The following PPM1G variants were observed in gnomAD, a reference collection of about 807,000 sequenced individuals.
The protein encoded by PPM1G is protein phosphatase, Mg2+/Mn2+ dependent 1G.
PPM1G carries 12 observed loss-of-function variants against 59.4 expected under a neutral mutation model. That is an observed-to-expected ratio of 0.20 (90% CI 0.13 to 0.33). The LOEUF is 0.33. PPM1G is among the 10% of genes least tolerant of loss of function. The pLI is 1.00. For missense variants in PPM1G, 392 were observed against 681.3 expected (o/e 0.58, Z 4.73); for synonymous variants, 245 against 251.9 (o/e 0.97, Z 0.26).
rs1022946841 is a variant in PPM1G at position 27,385,146 on chromosome 2, C to G, written c.410-58G>C. On this transcript the variant is annotated intron_variant, in intron 4 of 9. Transcript: ENST00000344034. This position sits in a 1 kb window ranked among gnomAD's most constrained non-coding sequence, Gnocchi z 4.1. The stretch of plus-strand genomic sequence containing the variant: ...GCCAGACTCCTCATGGGATCCGTCC[C>G]TCTCACTACCTCAACAGCCCTTGCA... 8 of 1,506,652 alleles carry G rather than the reference C, an allele frequency of 5.3e-6. No homozygotes were observed. The highest frequency in any genetic ancestry group is 7.1e-6 in the Non-Finnish European group (8 of 1,133,410). 93.3% of individuals were successfully genotyped at this position (1,506,652 alleles called of 1,614,324 possible).
At position 27,383,660 on chromosome 2, in the gene PPM1G, G is replaced by T; in HGVS notation, c.967-60C>A. 6.8e-7 allele frequency: 1 copy of T among 1,466,512 alleles called. No homozygotes were observed. The allele number at this position is 1,466,512 out of a possible 1,614,324, so 90.8% of individuals were successfully genotyped here. Reference sequence around the variant, plus strand: ...CTGAACATGCGTTCCTCACTGATGTGCTCCTGATCGTTCACCTATGCTTGC... The same window carrying T: ...CTGAACATGCGTTCCTCACTGATGTTCTCCTGATCGTTCACCTATGCTTGC... On this transcript the variant is annotated intron_variant, in intron 6 of 9. Transcript: ENST00000344034. The surrounding 1 kb of genome is among the most constrained non-coding windows in gnomAD (Gnocchi z 5.0).
rs1188399822 is a variant in PPM1G at position 27,383,311 on chromosome 2, A to T, written c.1201+55T>A. ...GGAAGATTAAAGTTTGCTACTAGGT[A>T]GTCTGGGACAGAGAGAAAGACCCTA... On this transcript the variant is annotated intron_variant, in intron 7 of 9. Transcript: ENST00000344034. The surrounding 1 kb of genome is among the most constrained non-coding windows in gnomAD (Gnocchi z 5.0). 6.6e-7 allele frequency: 1 copy of T among 1,507,064 alleles called. No homozygotes were observed. Among genetic ancestry groups the T allele is most frequent in the African/African-American group, 1.4e-5 (1 of 72,442 alleles). 93.4% of individuals were successfully genotyped at this position (1,507,064 alleles called of 1,614,324 possible).
Position 27,409,517 on chromosome 2 carries a change from C to T in PPM1G, c.-95G>A. ...GGGGTGCGCGCGGCAGGAGCAGGCC[C>T]CGCGGCGCGACCGACGCAAGGTGCC... On this transcript the variant is annotated 5_prime_UTR_variant, in exon 1 of 10. Transcript: ENST00000344034. The T allele has an allele frequency of 6.0e-6, 8 of 1,329,410 alleles. No individual in the cohort carries two copies. Among genetic ancestry groups the T allele is most frequent in the South Asian group, 1.9e-5 (1 of 52,192 alleles). 82.4% of individuals were successfully genotyped at this position (1,329,410 alleles called of 1,614,324 possible).
At position 27,383,639 on chromosome 2, in the gene PPM1G, A is replaced by G; in HGVS notation, c.967-39T>C. 6.4e-7 allele frequency: 1 copy of G among 1,551,400 alleles called. No homozygotes were observed. The highest frequency in any genetic ancestry group is 2.4e-5 in the East Asian group (1 of 42,464). On this transcript the variant is annotated intron_variant, in intron 6 of 9. Coordinates refer to ENST00000344034, the MANE Select transcript of PPM1G (RefSeq NM_177983.3). This position sits in a 1 kb window ranked among gnomAD's most constrained non-coding sequence, Gnocchi z 5.0. The stretch of plus-strand genomic sequence containing the variant: ...AAAGGAGCATCATGGGGGCTTCTGA[A>G]CATGCGTTCCTCACTGATGTGCTCC...
Position 27,385,485 on chromosome 2 carries a change from A to G in PPM1G, c.409+262T>C. On this transcript the variant is annotated intron_variant, in intron 4 of 9. Coordinates refer to ENST00000344034, the MANE Select transcript of PPM1G (RefSeq NM_177983.3). The surrounding 1 kb of genome is among the most constrained non-coding windows in gnomAD (Gnocchi z 4.1). ...TGAGGGGAAAAAAAAGCACATAAAT[A>G]CTAGCAGGAACCAGGAAGACCCCAT... is the stretch of plus-strand genomic sequence containing the variant. 2.1e-6 allele frequency: 1 copy of G among 466,792 alleles called. No individual in the cohort carries two copies. The highest frequency in any genetic ancestry group is 3.7e-6 in the Non-Finnish European group (1 of 270,224). 28.9% of individuals were successfully genotyped at this position (466,792 alleles called of 1,614,324 possible). A position where few individuals can be genotyped will look rare whatever the true frequency, so the allele number is the denominator to read the frequency against.
chr2:27,392,910 T>C lies in PPM1G; in HGVS notation c.121-5752A>G. ...CACCCAATTCTTTGATGGCCTTCAC[T>C]TGTTCATTCAGGTAATGTGTCTCAA... On this transcript the variant is annotated intron_variant, in intron 1 of 9. Transcript: ENST00000344034. 3 of 1,431,530 alleles carry C rather than the reference T, an allele frequency of 2.1e-6. No individual in the cohort carries two copies. In the South Asian group the frequency reaches 3.4e-5, roughly 16 times the overall value. 88.7% of individuals were successfully genotyped at this position (1,431,530 alleles called of 1,614,324 possible).
chr2:27,386,341 ATATT>A, intron 2 of PPM1G, 62 bp from the exon 3 acceptor site: 3 of 1,210,622 alleles, frequency 2.5e-6, no homozygotes, highest in South Asian at 2.4e-5. Context: ...AAGTGATACA[ATATT>A]TATATGCCAT....
intron 1 of PPM1G, among the ~76,000 whole-genome samples, chr2:27,396,826 A>AAAAAAAG (rs1180623123): frequency 6.6e-6 from 1 of 151,608 alleles, no homozygotes; most frequent in Non-Finnish European, 1.5e-5. Flanking sequence ...CAACAAAAAA[A>AAAAAAAG]AAAAAAGAAA....
intron 1 of PPM1G, among the ~76,000 whole-genome samples, chr2:27,406,044 G>C (rs1458171243): frequency 1.3e-5 from 2 of 152,002 alleles, no homozygotes; most frequent in Non-Finnish European, 2.9e-5. Flanking sequence ...CAACACCCTG[G>C]TCACACAGGA....
intron 1 of PPM1G, among the ~76,000 whole-genome samples, chr2:27,387,425 G>A (rs543532095): frequency 3.9e-5 from 6 of 152,258 alleles, no homozygotes; most frequent in East Asian, 1.9e-4. Context: ...CCAGATGGCA[G>A]AATATTTGGC....
rs1373866796 is a variant in PPM1G, at chr2:27,409,584, G to C, written c.-162C>G. 4.4e-6 allele frequency: 4 copies of C among 901,726 alleles called. No homozygotes were observed. The highest frequency in any genetic ancestry group is 6.0e-6 in the Non-Finnish European group (4 of 669,788). 55.9% of individuals were successfully genotyped at this position (901,726 alleles called of 1,614,324 possible). On this transcript the variant is annotated 5_prime_UTR_variant, in exon 1 of 10. Coordinates refer to ENST00000344034, the MANE Select transcript of PPM1G (RefSeq NM_177983.3). ...CCGGCCAGGAGGCGGTAACGGGACG[G>C]GAGCTGTGAGGGAGCGGAAGCGGAA...
chr2:27,391,650 T>A (rs990818748), intron 1 of PPM1G, among the ~76,000 whole-genome samples: 1 of 152,174 alleles, frequency 6.6e-6, no homozygotes, highest in African/African-American at 2.4e-5. Context: ...TCTTGCTGCA[T>A]GTCACTTTTC....
chr2:27,399,754 A>G lies in PPM1G; in HGVS notation c.120+9549T>C, dbSNP rs1684140856. ...GATAAGTGTAGTGAACATGTGAAGG[A>G]ACTGGCATCCTCATATATTGCTGGC... is the stretch of plus-strand genomic sequence containing the variant. On this transcript the variant is annotated intron_variant, in intron 1 of 9. Transcript: ENST00000344034. 2.6e-5 allele frequency among the ~76,000 whole-genome samples: 4 copies of G among 152,338 alleles called. No individual in the cohort carries two copies. The South Asian group carries it at 8.3e-4, about 32-fold the overall frequency.
chr2:27,386,319 CCCACACAT>C, intron 2 of PPM1G, 40 bp from the exon 3 acceptor site: 4 of 1,397,188 alleles, frequency 2.9e-6, no homozygotes, highest in Non-Finnish European at 4.1e-6. Flanking sequence ...AGCACTGCTC[CCCACACAT>C]AGAAAGTGAT....
Position 27,393,367 on chromosome 2 carries a change from T to C in PPM1G, c.121-6209A>G, listed in dbSNP as rs1683966062. On this transcript the variant is annotated intron_variant, in intron 1 of 9. Transcript: ENST00000344034. ...ACCTGCGAGGTAGACGCGGTCGTCA[T>C]GCCGGCGACTAAGGAGAGGCGGCGG... 2.5e-6 allele frequency: 4 copies of C among 1,571,954 alleles called. No individual in the cohort carries two copies. The Admixed American group carries it at 6.7e-5, about 26-fold the overall frequency.
chr2:27,397,702 A>G (rs1684085467), intron 1 of PPM1G, among the ~76,000 whole-genome samples: 1 of 152,126 alleles, frequency 6.6e-6, no homozygotes. Flanking sequence ...CCCTGTCTCT[A>G]TAAAAAATTT....
In PPM1G at chr2:27,382,536, A is replaced by G. The variant is rs1683659118; in HGVS notation, c.1271T>C (p.Ile424Thr). The change falls in exon 8 of 10, where the codon ATC becomes ACC. Residue 424 changes from isoleucine to threonine, a missense_variant. Transcript: ENST00000344034. This position sits in a 1 kb window ranked among gnomAD's most constrained non-coding sequence, Gnocchi z 4.2. The stretch of plus-strand genomic sequence containing the variant: ...GTCGTCAGTGAGAGTCAGCACCTTG[A>G]TGTCAGGAAGGGCTGAAATCATCTG... ...EEQMISALPD[I>T]KVLTLTDDHE... 6.2e-7 allele frequency: 1 copy of G among 1,614,260 alleles called. No individual in the cohort carries two copies. The highest frequency in any genetic ancestry group is 8.5e-7 in the Non-Finnish European group (1 of 1,180,040).
chr2:27,387,206 T>TC (rs774218372), intron 1 of PPM1G, 48 bp from the exon 2 acceptor site: 1 of 1,500,144 alleles, frequency 6.7e-7, no homozygotes, highest in Non-Finnish European at 9.3e-7. Flanking sequence ...CGAAGAATAT[T>TC]CCTCAGGTCA....
At chr2:27,391,350 T>C (rs1683896700) in intron 1 of PPM1G, among the ~76,000 whole-genome samples, 1 of 152,210 alleles carries the variant, frequency 6.6e-6, no homozygotes, top group South Asian at 2.1e-4. Flanking sequence ...ACGTTTCTCA[T>C]TTTTTGACAT....
Sources: allele counts gnomAD v4.1 joint callset (sites outside exome capture counted in the v4.1 genomes callset), GRCh38; gene constraint gnomAD v4.1.1; non-coding constraint Gnocchi (gnomAD v3.1); transcripts MANE v1.5; gene names NCBI Gene and HGNC (gene_info 2026-07-23, HGNC 2026-07-21).